The following SLC37A3 variants were observed in gnomAD, a reference collection of about 807,000 sequenced individuals.
SLC37A3 encodes solute carrier family 37 member 3.
SLC37A3 carries 51 observed loss-of-function variants against 67.1 expected under a neutral mutation model. The ratio of observed to expected loss-of-function variants is 0.76; its 90% CI spans 0.61 to 0.96. The LOEUF (loss-of-function observed/expected upper bound fraction) is 0.96, where lower values mean the gene tolerates loss of function less well. Ranked by LOEUF, SLC37A3 falls within the 40% of genes least tolerant of loss-of-function variation. SLC37A3 has a pLI of 0.00. For synonymous variants in SLC37A3, 214 were observed against 231.4 expected (o/e 0.92, Z 0.68); for missense variants, 508 against 603.0 (o/e 0.84, Z 1.65).
At chr7:140,381,443 T>C (rs1798248930) in intron 2 of SLC37A3, among the ~76,000 whole-genome samples, 1 of 151,876 alleles carries the variant, frequency 6.6e-6, no homozygotes, top group African/African-American at 2.4e-5. Context: ...GTAGATCATT[T>C]GATCCCGGGA....
At chr7:140,360,585 T>C (rs948375029) in intron 5 of SLC37A3, among the ~76,000 whole-genome samples, 1 of 151,506 alleles carries the variant, frequency 6.6e-6, no homozygotes, top group African/African-American at 2.4e-5. Context: ...AATACAAAAA[T>C]TAGCCGGGAA....
At chr7:140,338,913 C>G (rs1362087437) in intron 13 of SLC37A3, among the ~76,000 whole-genome samples, 3 of 151,488 alleles carry the variant, frequency 2.0e-5, no homozygotes, top group Admixed American at 6.6e-5. Context: ...TGCCACCCCC[C>G]GCCCAGCTAA....
intron 5 of SLC37A3, among the ~76,000 whole-genome samples, chr7:140,361,786 G>A (rs1282919761): frequency 6.9e-6 from 1 of 144,934 alleles, no homozygotes; most frequent in Admixed American, 6.9e-5. Flanking sequence ...TCCTAACCGC[G>A]AGTGATCCGC....
intron 9 of SLC37A3, among the ~76,000 whole-genome samples, chr7:140,349,403 TGTC>T (rs1796703315): frequency 6.6e-6 from 1 of 152,120 alleles, no homozygotes; most frequent in South Asian, 2.1e-4. Flanking sequence ...TGAAAGAACA[TGTC>T]ATCATCGGCC....
intron 14 of SLC37A3, 125 bp from the exon 15 acceptor site, chr7:140,335,629 A>C: frequency 8.5e-7 from 1 of 1,171,200 alleles, no homozygotes; most frequent in Non-Finnish European, 1.2e-6. Context: ...GATAATGTTT[A>C]ATCTTCAATG....
At chr7:140,398,014 A>G (rs1179213273) in intron 1 of SLC37A3, among the ~76,000 whole-genome samples, 1 of 152,158 alleles carries the variant, frequency 6.6e-6, no homozygotes, top group Non-Finnish European at 1.5e-5. Flanking sequence ...CTTTCCAAAG[A>G]GCTTCCTTCC....
intron 13 of SLC37A3, among the ~76,000 whole-genome samples, chr7:140,342,020 A>T (rs549661918): frequency 6.6e-6 from 1 of 152,342 alleles, no homozygotes; most frequent in South Asian, 2.1e-4. Context: ...TATGCCAAGC[A>T]TATCAGTCAT....
At chr7:140,385,583 G>A (rs972042199) in intron 1 of SLC37A3, among the ~76,000 whole-genome samples, 3 of 152,144 alleles carry the variant, frequency 2.0e-5, no homozygotes, top group Non-Finnish European at 2.9e-5. Context: ...TGCTCCAACA[G>A]ATTGAAATTA....
intron 4 of SLC37A3, among the ~76,000 whole-genome samples, chr7:140,365,513 G>C (rs1797562404): frequency 6.6e-6 from 1 of 152,168 alleles, no homozygotes; most frequent in Non-Finnish European, 1.5e-5. Flanking sequence ...CTGAGGTGAA[G>C]AGTTCAAGAC....
intron 6 of SLC37A3, among the ~76,000 whole-genome samples, chr7:140,357,263 C>G (rs997990362): frequency 6.6e-6 from 1 of 152,000 alleles, no homozygotes; most frequent in Admixed American, 6.6e-5. Flanking sequence ...ATGATCCAGC[C>G]ATTCTACCCC....
intron 8 of SLC37A3, chr7:140,351,842 A>T (rs927372433): frequency 1.6e-6 from 1 of 639,588 alleles, no homozygotes; most frequent in Non-Finnish European, 2.8e-6. Context: ...ATTTTCCTGT[A>T]TCTATAAAAG....
intron 10 of SLC37A3, among the ~76,000 whole-genome samples, chr7:140,347,861 A>G (rs902434871): frequency 1.3e-5 from 2 of 151,742 alleles, no homozygotes; most frequent in Admixed American, 1.3e-4. Context: ...CTATGATCTG[A>G]CGACCTACAC....
At chr7:140,390,567 T>TA (rs1798687318) in intron 1 of SLC37A3, among the ~76,000 whole-genome samples, 1 of 152,102 alleles carries the variant, frequency 6.6e-6, no homozygotes, top group African/African-American at 2.4e-5. Context: ...TGGGGCTCTA[T>TA]AGCCTGCTGT....
At position 140,355,731 on chromosome 7, in the gene SLC37A3, A is replaced by G; in HGVS notation, c.555T>C (p.Cys185=). The G allele has an allele frequency of 6.2e-7, 1 of 1,614,058 alleles. No individual in the cohort carries two copies. The highest frequency in any genetic ancestry group is 2.2e-5 in the East Asian group (1 of 44,888). Residue 185 remains cysteine, a synonymous_variant, in exon 7 of 15, where the codon TGT becomes TGC. Coordinates refer to ENST00000326232, the MANE Select transcript of SLC37A3 (RefSeq NM_207113.3). The part of the protein sequence containing the change: ...RGVVFGLWSA[C]ASVGNILGAC... The stretch of plus-strand genomic sequence containing the variant: ...CTCCCAAAATGTTGCCCACCGAAGC[A>G]CAGGCACTCCAGAGACCAAAAACAA...
At chr7:140,337,398 AAAGG>A in intron 13 of SLC37A3, 49 bp from the exon 14 acceptor site, 1 of 1,441,932 alleles carries the variant, frequency 6.9e-7, no homozygotes, top group Non-Finnish European at 9.3e-7. Context: ...ATAATTCATA[AAAGG>A]AAGCAGCTAA....
rs553055447 is a variant in SLC37A3, at chr7:140,380,418, T to C, written c.90-28A>G. On this transcript the variant is annotated intron_variant, in intron 2 of 14. Transcript: ENST00000326232. ...ACAAAATAGAGAGAATACAGATGAATGAATAGCAAAGAGAAACAGCATTCA... is the reference window on the plus strand; with the variant it reads ...ACAAAATAGAGAGAATACAGATGAACGAATAGCAAAGAGAAACAGCATTCA... 8 of 1,469,032 alleles carry C rather than the reference T, an allele frequency of 5.4e-6. No homozygotes were observed. In the African/African-American group the frequency reaches 9.7e-5, roughly 18 times the overall value. 91.0% of individuals were successfully genotyped at this position (1,469,032 alleles called of 1,614,324 possible).
At position 140,335,089 on chromosome 7, in the gene SLC37A3, A is replaced by C. The variant is rs1245389673; in HGVS notation, c.*323T>G. The C allele has an allele frequency of 9.4e-6, 8 of 854,506 alleles. No individual in the cohort carries two copies. The highest frequency in any genetic ancestry group is 1.4e-5 in the Non-Finnish European group (8 of 570,634). 52.9% of individuals were successfully genotyped at this position (854,506 alleles called of 1,614,324 possible). A position where few individuals can be genotyped will look rare whatever the true frequency, so the allele number is the denominator to read the frequency against. On this transcript the variant is annotated 3_prime_UTR_variant, in exon 15 of 15. Transcript: ENST00000326232. ...GCTAGAGAAAGTTCAAGTCCAAAAC[A>C]ACAGTTAAGGTTAAAACGCTAAACC...
intron 4 of SLC37A3, among the ~76,000 whole-genome samples, chr7:140,365,201 T>G (rs757375645): frequency 2.6e-5 from 4 of 152,202 alleles, no homozygotes. Context: ...ACTGAAGACC[T>G]TAAGCGCAGC....
chr7:140,397,350 C>T (rs1283745482), intron 1 of SLC37A3, among the ~76,000 whole-genome samples: 1 of 151,558 alleles, frequency 6.6e-6, no homozygotes, highest in African/African-American at 2.4e-5. Flanking sequence ...TGCGCCACGA[C>T]GCCCAGCTAA....
Sources: gnomAD v4.1 joint callset for allele counts (sites outside exome capture counted in the v4.1 genomes callset) on GRCh38, gnomAD v4.1.1 for gene constraint, MANE v1.5 for transcripts, NCBI Gene and HGNC (gene_info 2026-07-23, HGNC 2026-07-21) for gene names.